PHACTR3: variants seen among roughly 807,000 people sequenced by gnomAD.
The protein encoded by PHACTR3 is protein phosphatase 1, regulatory subunit 123.
A neutral mutation model predicts 66.8 loss-of-function variants in PHACTR3; 16 were observed. The ratio of observed to expected loss-of-function variants is 0.24; its 90% CI spans 0.16 to 0.36. The LOEUF (loss-of-function observed/expected upper bound fraction) is 0.36. Among genes scored for constraint, PHACTR3 ranks in the 10% least tolerant of loss-of-function variants. The pLI, the probability that PHACTR3 is intolerant of heterozygous loss-of-function variation, is 1.00. For missense variants in PHACTR3, 647 were observed against 719.9 expected, an observed-to-expected ratio of 0.90 and a Z score of 1.16; for synonymous variants, 323 against 292.1, an observed-to-expected ratio of 1.11 and a Z score of -1.08.
chr20:59,709,936 A>G (rs1284969506), intron 1 of PHACTR3, among the ~76,000 whole-genome samples: 2 of 152,038 alleles, frequency 1.3e-5, no homozygotes, highest in Non-Finnish European at 2.9e-5. Context: ...GATATGGGAC[A>G]TGGTCTTTTA....
intron 8 of PHACTR3, among the ~76,000 whole-genome samples, chr20:59,814,728 G>C (rs1296907102): frequency 1.3e-5 from 2 of 152,132 alleles, no homozygotes; most frequent in African/African-American, 2.4e-5. Flanking sequence ...ACCACAACAG[G>C]CTTCTGTGTG....
intron 1 of PHACTR3, among the ~76,000 whole-genome samples, chr20:59,641,899 A>G (rs966357467): frequency 1.3e-5 from 2 of 152,222 alleles, no homozygotes; most frequent in Middle Eastern, 3.2e-3. Context: ...TTGCTCTTCT[A>G]TTAGTCTGTT....
chr20:59,668,948 A>G (rs1601051206), intron 1 of PHACTR3, among the ~76,000 whole-genome samples: 2 of 148,840 alleles, frequency 1.3e-5, no homozygotes, highest in East Asian at 4.0e-4. Context: ...GGGTTTCACC[A>G]TGTCGGCCAG....
Position 59,604,811 on chromosome 20 carries a change from A to T in PHACTR3, c.-204A>T. 1 of 1,203,214 alleles carries T rather than the reference A, an allele frequency of 8.3e-7. No homozygotes were observed. Among genetic ancestry groups the T allele is most frequent in the Non-Finnish European group, 1.0e-6 (1 of 973,292 alleles). 74.5% of individuals were successfully genotyped at this position (1,203,214 alleles called of 1,614,324 possible). On this transcript the variant is annotated 5_prime_UTR_variant, in exon 1 of 13. Coordinates refer to ENST00000371015, the MANE Select transcript of PHACTR3 (RefSeq NM_080672.5). ...GGGATGCGCCTGGCTGCAGCCGGCG[A>T]GGCTATTGTCTCCCCGCCCTGAAGC...
chr20:59,825,588 T>C (rs1466035275), intron 8 of PHACTR3, among the ~76,000 whole-genome samples: 3 of 152,104 alleles, frequency 2.0e-5, no homozygotes, highest in Admixed American at 6.5e-5. Flanking sequence ...ATTCTGGCCA[T>C]GAAGGCCACA....
At chr20:59,827,727 G>A (rs538189620) in intron 8 of PHACTR3, among the ~76,000 whole-genome samples, 5 of 152,330 alleles carry the variant, frequency 3.3e-5, no homozygotes, top group African/African-American at 1.2e-4. Context: ...CTCCTGCAGG[G>A]TGGGGTTGGG....
At chr20:59,685,127 C>G (rs1279171661) in intron 1 of PHACTR3, among the ~76,000 whole-genome samples, 3 of 152,216 alleles carry the variant, frequency 2.0e-5, no homozygotes, top group Non-Finnish European at 2.9e-5. Context: ...CCACCACTGT[C>G]CTGCTCTTGG....
intron 1 of PHACTR3, among the ~76,000 whole-genome samples, chr20:59,687,117 GGTGATAATGATCATGGTGGTGACA>G (rs1236151171): frequency 6.7e-6 from 1 of 149,078 alleles, no homozygotes; most frequent in Admixed American, 6.6e-5. Flanking sequence ...TGGTGGTGAC[GGTGATAATGATCATGGTGGTGACA>G]GTGATGATGA....
chr20:59,664,384 T>C (rs1302781388), intron 1 of PHACTR3, among the ~76,000 whole-genome samples: 1 of 152,202 alleles, frequency 6.6e-6, no homozygotes, highest in Non-Finnish European at 1.5e-5. Context: ...CAGCCTACTC[T>C]GGTTACAGTC....
chr20:59,744,256 G>A (rs889503815), intron 2 of PHACTR3, among the ~76,000 whole-genome samples: 3 of 152,246 alleles, frequency 2.0e-5, no homozygotes, highest in African/African-American at 7.2e-5. Flanking sequence ...GCCAGCAGGT[G>A]GCGGGGCTGA....
chr20:59,823,001 G>A lies in PHACTR3; in HGVS notation c.1329-13504G>A, dbSNP rs368559208. 7.9e-5 allele frequency among the ~76,000 whole-genome samples: 12 copies of A among 152,328 alleles called. No homozygotes were observed. In the East Asian group the frequency reaches 9.7e-4, roughly 12 times the overall value. On this transcript the variant is annotated intron_variant, in intron 8 of 12. Transcript: ENST00000371015. The stretch of plus-strand genomic sequence containing the variant: ...AGATCAGAGGCAGACAATGCTCAGC[G>A]TCCAAGGAGGAAAGCGGAAGGAGCT...
At chr20:59,635,538 C>T in intron 1 of PHACTR3, among the ~76,000 whole-genome samples, 1 of 152,016 alleles carries the variant, frequency 6.6e-6, no homozygotes, top group East Asian at 1.9e-4. Context: ...CCGGCCTGCT[C>T]CTTGCTTTTT....
rs2042306179 is a variant in PHACTR3, at chr20:59,830,019, T to C, written c.1329-6486T>C. Among the ~76,000 whole-genome samples the C allele has an allele frequency of 6.6e-6, 1 of 152,172 alleles. No homozygotes were observed. The highest frequency in any genetic ancestry group is 2.4e-5 in the African/African-American group (1 of 41,440). On this transcript the variant is annotated intron_variant, in intron 8 of 12. Coordinates refer to ENST00000371015, the MANE Select transcript of PHACTR3 (RefSeq NM_080672.5). The surrounding 1 kb of genome is among the most constrained non-coding windows in gnomAD (Gnocchi z 5.8). Reference sequence around the variant, plus strand: ...CCTGCAGCCCCTGCTGCTGTGCTCATCATGCAGGAAGGCAGTCAGCTGAGC... The same window carrying C: ...CCTGCAGCCCCTGCTGCTGTGCTCACCATGCAGGAAGGCAGTCAGCTGAGC...
chr20:59,612,790 A>G (rs961091434), intron 1 of PHACTR3, among the ~76,000 whole-genome samples: 2 of 152,208 alleles, frequency 1.3e-5, no homozygotes, highest in East Asian at 1.9e-4. Context: ...GGTAATTTAT[A>G]AAGAAAAGAG....
chr20:59,702,965 T>C (rs17731856), intron 1 of PHACTR3, among the ~76,000 whole-genome samples: 30 of 152,124 alleles, frequency 2.0e-4, no homozygotes, highest in Non-Finnish European at 4.1e-4. Context: ...TGATGTATCA[T>C]TCTAAACAAG....
intron 1 of PHACTR3, among the ~76,000 whole-genome samples, chr20:59,674,783 T>TTCCCCCC (rs2036374217): frequency 2.5e-5 from 1 of 39,240 alleles, no homozygotes; most frequent in African/African-American, 1.7e-4. Flanking sequence ...CCTCCTTCTG[T>TTCCCCCC]TTCCCCCCTT....
At chr20:59,800,337 A>G (rs892756409) in intron 7 of PHACTR3, among the ~76,000 whole-genome samples, 1 of 152,174 alleles carries the variant, frequency 6.6e-6, no homozygotes, top group Non-Finnish European at 1.5e-5. Context: ...CTTATAATGC[A>G]GGTCTGCTGG....
chr20:59,730,114 C>A (rs560348655), intron 1 of PHACTR3, among the ~76,000 whole-genome samples: 11 of 152,276 alleles, frequency 7.2e-5, no homozygotes, highest in Non-Finnish European at 1.6e-4. Context: ...CCTGCAGAGG[C>A]TGCTGTACAG....
rs2058998271 is a variant in PHACTR3, at chr20:59,838,224, T to C, written c.1384+1664T>C. Among the ~76,000 whole-genome samples the C allele has an allele frequency of 6.6e-5, 10 of 152,338 alleles. No homozygotes were observed. In the Middle Eastern group the frequency reaches 0.01, roughly 155 times the overall value. ...TAGGTTTGTGGTGGGTGTTTGGTTT[T>C]ACTTTTGTTCTGTGGAGATGAGAAT... On this transcript the variant is annotated intron_variant, in intron 9 of 12. Transcript: ENST00000371015.
Sources: allele counts gnomAD v4.1 joint callset (sites outside exome capture counted in the v4.1 genomes callset), GRCh38; gene constraint gnomAD v4.1.1; non-coding constraint Gnocchi (gnomAD v3.1); transcripts MANE v1.5; gene names NCBI Gene and HGNC (gene_info 2026-07-23, HGNC 2026-07-21).